Variants in AP1B1 observed in about 807,000 individuals in gnomAD.
The protein encoded by AP1B1 is AP-1 complex subunit beta-1.
In AP1B1, 36 loss-of-function variants were observed where a neutral mutation model predicts 104.3. That is an observed-to-expected ratio of 0.35 (90% CI 0.26 to 0.46). The LOEUF (loss-of-function observed/expected upper bound fraction) is 0.46, where lower values mean the gene tolerates loss of function less well. Among genes scored for constraint, AP1B1 ranks in the 20% least tolerant of loss-of-function variants. AP1B1 has a pLI of 1.00. For missense variants in AP1B1, 901 were observed against 1,247.9 expected (o/e 0.72, Z 4.19); for synonymous variants, 504 against 517.5 (o/e 0.97, Z 0.35).
chr22:29,329,171 T>A, intron 22 of AP1B1: 2 of 1,275,894 alleles, frequency 1.6e-6, no homozygotes, highest in Non-Finnish European at 2.0e-6. Context: ...AGCCGGAGGC[T>A]GCCAGGGAGT....
At chr22:29,330,303 C>T in intron 21 of AP1B1, 75 bp downstream of exon 21, 1 of 1,595,722 alleles carries the variant, frequency 6.3e-7, no homozygotes. Context: ...GGACCGCGTC[C>T]TCCACCAGGG....
At chr22:29,347,980 C>A (rs1029707875) in intron 11 of AP1B1, among the ~76,000 whole-genome samples, 2 of 152,204 alleles carry the variant, frequency 1.3e-5, no homozygotes, top group Non-Finnish European at 2.9e-5. Flanking sequence ...TTAAATAAAG[C>A]ATAAATGAAT....
intron 11 of AP1B1, among the ~76,000 whole-genome samples, chr22:29,344,004 G>A (rs1381480640): frequency 6.6e-6 from 1 of 151,748 alleles, no homozygotes; most frequent in Non-Finnish European, 1.5e-5. Context: ...CCAGCTACTC[G>A]GAGGCTGAGG....
intron 2 of AP1B1, among the ~76,000 whole-genome samples, chr22:29,363,813 T>A (rs2062089950): frequency 6.6e-6 from 1 of 151,926 alleles, no homozygotes; most frequent in South Asian, 2.1e-4. Flanking sequence ...TGAAGAATCG[T>A]TTGAGCCCAG....
chr22:29,371,936 A>G (rs2267136), intron 1 of AP1B1, among the ~76,000 whole-genome samples: 53,667 of 151,966 alleles, frequency 0.35, 10,381 homozygotes, highest in East Asian at 0.67. Context: ...ACAGGCCAAG[A>G]AATGCCTCAA....
At chr22:29,353,653 C>A (rs1189401830) in intron 7 of AP1B1, among the ~76,000 whole-genome samples, 1 of 152,130 alleles carries the variant, frequency 6.6e-6, no homozygotes, top group Non-Finnish European at 1.5e-5. Context: ...CTCTGGGTCC[C>A]CCGGGAGAGT....
At chr22:29,329,536 T>C (rs1306726139) in intron 22 of AP1B1, 176 bp downstream of exon 22, 1 of 1,464,800 alleles carries the variant, frequency 6.8e-7, no homozygotes. Flanking sequence ...CTGTGCACAC[T>C]GTGAATGTGT....
chr22:29,349,229 C>T lies in AP1B1; in HGVS notation c.1426G>A (p.Glu476Lys), dbSNP rs576191808. ...LESFLEGFHD[E>K]STQVQLQLLT... ...GCTCGCTGGCTCACCTGTGTGCTCTCGTCATGGAAGCCCTCGAGGAAGCTC... is the reference window on the plus strand; with the variant it reads ...GCTCGCTGGCTCACCTGTGTGCTCTTGTCATGGAAGCCCTCGAGGAAGCTC... The change falls in exon 11 of 23, where the codon GAG becomes AAG. Residue 476 changes from glutamate to lysine, a missense_variant. Physicochemically the swap from Glu to Lys is moderately conservative, Grantham distance 56. Coordinates refer to ENST00000357586, the MANE Select transcript of AP1B1 (RefSeq NM_001127.4). The T allele has an allele frequency of 9.3e-6, 15 of 1,613,032 alleles. No individual in the cohort carries two copies. The East Asian group carries it at 1.6e-4, about 17-fold the overall frequency.
In AP1B1 at chr22:29,331,805, C is replaced by T; in HGVS notation, c.2421G>A (p.Glu807=). The T allele has an allele frequency of 6.2e-7, 1 of 1,614,194 alleles. No homozygotes were observed. Among genetic ancestry groups the T allele is most frequent in the African/African-American group, 1.3e-5 (1 of 75,046 alleles). Reference sequence around the variant, plus strand: ...AACCCACCTGGAGGTTGTTCAGAGGCTCCATCTTCATGACCGAGCCCACCG... The same window carrying T: ...AACCCACCTGGAGGTTGTTCAGAGGTTCCATCTTCATGACCGAGCCCACCG... ...LSTVGSVMKM[E]PLNNLQVAVK... The change falls in exon 18 of 23, where the codon GAG becomes GAA. Residue 807 remains glutamate (E), a synonymous_variant. Transcript: ENST00000357586.
intron 3 of AP1B1, 55 bp from the exon 4 acceptor site, chr22:29,360,014 A>AT: frequency 1.3e-6 from 2 of 1,577,752 alleles, no homozygotes; most frequent in Non-Finnish European, 1.7e-6. Flanking sequence ...GAAGAGGAAG[A>AT]TTTTCAGGCT....
chr22:29,358,938 G>A lies in AP1B1; in HGVS notation c.313C>T (p.Leu105=). Residue 105 remains leucine (L), a synonymous_variant, in exon 5 of 23, where the codon CTG becomes TTG. Coordinates refer to ENST00000357586, the MANE Select transcript of AP1B1 (RefSeq NM_001127.4). ...ATGCAGCCCATGGTCCGCACTGCCA[G>A]GGCTCGGATGAGGGGGTTGGGGTCC... ...CEDPNPLIRA[L]AVRTMGCIRV... 6.2e-7 allele frequency: 1 copy of A among 1,612,112 alleles called. No individual in the cohort carries two copies. The highest frequency in any genetic ancestry group is 1.3e-5 in the African/African-American group (1 of 75,050).
intron 1 of AP1B1, among the ~76,000 whole-genome samples, chr22:29,378,000 T>C (rs1243467398): frequency 6.6e-6 from 1 of 152,074 alleles, no homozygotes; most frequent in Non-Finnish European, 1.5e-5. Context: ...TCCCACTCTG[T>C]CCAGCAAGGC....
intron 3 of AP1B1, among the ~76,000 whole-genome samples, chr22:29,362,578 CTCG>C: frequency 1.3e-5 from 2 of 152,150 alleles, no homozygotes; most frequent in African/African-American, 4.8e-5. Context: ...AACTCCTGAC[CTCG>C]AGATCCGCCC....
chr22:29,355,936 G>A (rs1049817043), intron 6 of AP1B1, among the ~76,000 whole-genome samples: 13 of 151,718 alleles, frequency 8.6e-5, no homozygotes, highest in East Asian at 3.9e-4. Flanking sequence ...CACTTCCTCC[G>A]ACTTGGAGGG....
chr22:29,357,659 T>C (rs1025422623), intron 5 of AP1B1, among the ~76,000 whole-genome samples: 1 of 149,992 alleles, frequency 6.7e-6, no homozygotes, highest in Admixed American at 6.6e-5. Flanking sequence ...TAATCCTGTA[T>C]GAGCCACTGC....
intron 1 of AP1B1, among the ~76,000 whole-genome samples, chr22:29,375,543 G>C (rs2062325753): frequency 6.6e-6 from 1 of 152,058 alleles, no homozygotes; most frequent in South Asian, 2.1e-4. Context: ...ACAAAACCAA[G>C]GGCCCAAAAC....
chr22:29,378,860 CA>C (rs695434), intron 1 of AP1B1, among the ~76,000 whole-genome samples: 42,502 of 110,264 alleles, frequency 0.39, 7,038 homozygotes, highest in Middle Eastern at 0.52. Context: ...CTCCGTCCCA[CA>C]AAAAAAAAAA....
chr22:29,346,477 C>T (rs889213898), intron 11 of AP1B1, among the ~76,000 whole-genome samples: 2 of 152,182 alleles, frequency 1.3e-5, no homozygotes, highest in South Asian at 4.1e-4. Context: ...GAACACACAA[C>T]CTAGATCCCT....
intron 11 of AP1B1, among the ~76,000 whole-genome samples, chr22:29,344,242 C>T (rs576890119): frequency 6.9e-4 from 105 of 152,274 alleles, no homozygotes; most frequent in South Asian, 2.3e-3. Context: ...TCCAGTCAGC[C>T]GGATGCCTGG....
Sources: gnomAD v4.1 joint callset for allele counts (sites outside exome capture counted in the v4.1 genomes callset) on GRCh38, gnomAD v4.1.1 for gene constraint, MANE v1.5 for transcripts, NCBI Gene and HGNC (gene_info 2026-07-23, HGNC 2026-07-21) for gene names.